The following REDIC1 variants were observed in gnomAD, a reference collection of about 807,000 sequenced individuals.
REDIC1 encodes regulator of DNA class I crossover intermediates 1, also known as HEI10 Interacting Protein 1.
chr12:39,696,565 A>T, the REDIC1 span, among the ~76,000 whole-genome samples: 31 of 141,912 alleles, frequency 2.2e-4, no homozygotes, highest in African/African-American at 7.8e-4. Context: ...AAAAAAAAAA[A>T]AAAAAAAAAA....
the REDIC1 span, chr12:39,682,923 C>A: frequency 1.2e-6 from 2 of 1,613,106 alleles, no homozygotes; most frequent in South Asian, 2.2e-5. Flanking sequence ...CTTGTGTAGT[C>A]ACTAGTTCTG....
chr12:39,846,200 T>C, the REDIC1 span, among the ~76,000 whole-genome samples: 1 of 152,144 alleles, frequency 6.6e-6, no homozygotes, highest in Non-Finnish European at 1.5e-5. Flanking sequence ...AAAACCAAGG[T>C]GGTGAATACT....
the REDIC1 span, among the ~76,000 whole-genome samples, chr12:39,854,497 C>T: frequency 6.6e-6 from 1 of 152,134 alleles, no homozygotes; most frequent in African/African-American, 2.4e-5. Flanking sequence ...TCATACTTTG[C>T]CTTTAACATT....
chr12:39,805,799 A>G, the REDIC1 span, among the ~76,000 whole-genome samples: 1 of 152,198 alleles, frequency 6.6e-6, no homozygotes, highest in African/African-American at 2.4e-5. Context: ...GAGGTTTTAA[A>G]TAAATAATCT....
chr12:39,709,868 T>C, the REDIC1 span, among the ~76,000 whole-genome samples: 1 of 151,982 alleles, frequency 6.6e-6, no homozygotes, highest in Admixed American at 6.6e-5. Flanking sequence ...TATATGGTAG[T>C]TCTATTTTTA....
the REDIC1 span, among the ~76,000 whole-genome samples, chr12:39,680,160 C>G: frequency 6.6e-6 from 1 of 152,114 alleles, no homozygotes; most frequent in Admixed American, 6.5e-5. Context: ...AAAATCTGCA[C>G]AGCAAAAGAA....
chr12:39,796,138 C>A, the REDIC1 span, among the ~76,000 whole-genome samples: 3 of 152,148 alleles, frequency 2.0e-5, no homozygotes, highest in Admixed American at 6.5e-5. Flanking sequence ...CAGTATATCA[C>A]CTTTTGTAAC....
the REDIC1 span, among the ~76,000 whole-genome samples, chr12:39,737,294 C>T: frequency 2.6e-5 from 4 of 152,152 alleles, no homozygotes; most frequent in Non-Finnish European, 2.9e-5. Flanking sequence ...GCTTTGTTTA[C>T]GTTAGCTATG....
At chr12:39,649,230 G>T in the REDIC1 span, among the ~76,000 whole-genome samples, 2 of 151,930 alleles carry the variant, frequency 1.3e-5, no homozygotes, top group East Asian at 3.9e-4. Context: ...CAATCATAGT[G>T]TCACATCATG....
chr12:39,831,270 G>A, the REDIC1 span, among the ~76,000 whole-genome samples: 6 of 152,224 alleles, frequency 3.9e-5, no homozygotes, highest in African/African-American at 4.8e-5. Flanking sequence ...GCTGGGAACC[G>A]TTTTAAATGT....
At chr12:39,630,771 A>C in the REDIC1 span, among the ~76,000 whole-genome samples, 16 of 152,316 alleles carry the variant, frequency 1.1e-4, no homozygotes, top group African/African-American at 3.8e-4. Flanking sequence ...GTTGGAGATA[A>C]TGTCTGCATA....
At chr12:39,884,714 A>G in the REDIC1 span, among the ~76,000 whole-genome samples, 1 of 152,170 alleles carries the variant, frequency 6.6e-6, no homozygotes, top group East Asian at 1.9e-4. Flanking sequence ...AGTAAAGGTA[A>G]AGAGCTGCTG....
chr12:39,841,616 C>T, the REDIC1 span, among the ~76,000 whole-genome samples: 3 of 152,012 alleles, frequency 2.0e-5, no homozygotes, highest in South Asian at 2.1e-4. Flanking sequence ...TATATACATA[C>T]ATGTATAAAT....
the REDIC1 span, among the ~76,000 whole-genome samples, chr12:39,675,182 C>T: frequency 2.4e-4 from 36 of 152,260 alleles, no homozygotes; most frequent in African/African-American, 8.4e-4. Flanking sequence ...CTGTATGATG[C>T]AGCAGAGGTA....
the REDIC1 span, among the ~76,000 whole-genome samples, chr12:39,901,609 C>T: frequency 1.6e-5 from 2 of 124,308 alleles, no homozygotes; most frequent in Non-Finnish European, 3.4e-5. Context: ...CATCACTGGC[C>T]ATCAGAGAAA....
At chr12:39,665,001 A>T in the REDIC1 span, among the ~76,000 whole-genome samples, 2 of 151,870 alleles carry the variant, frequency 1.3e-5, no homozygotes, top group Non-Finnish European at 2.9e-5. Flanking sequence ...GATTGCAAAA[A>T]TTTTCTCCCA....
chr12:39,753,534 G>A, the REDIC1 span, among the ~76,000 whole-genome samples: 2 of 152,154 alleles, frequency 1.3e-5, no homozygotes, highest in East Asian at 3.9e-4. Flanking sequence ...AAAGGAAGAA[G>A]GACATCAGGC....
the REDIC1 span, among the ~76,000 whole-genome samples, chr12:39,643,431 T>C: frequency 1.3e-5 from 2 of 151,684 alleles, no homozygotes; most frequent in African/African-American, 4.8e-5. Flanking sequence ...TAGCATACTT[T>C]GTAGAAAAAC....
chr12:39,704,070 A>T, the REDIC1 span, among the ~76,000 whole-genome samples: 1 of 152,216 alleles, frequency 6.6e-6, no homozygotes, highest in African/African-American at 2.4e-5. Context: ...AAAATTGACA[A>T]ATGCGATCTA....
Sources: gnomAD v4.1 joint callset for allele counts (sites outside exome capture counted in the v4.1 genomes callset) on GRCh38, gnomAD v4.1.1 for gene constraint, MANE v1.5 for transcripts, NCBI Gene and HGNC (gene_info 2026-07-23, HGNC 2026-07-21) for gene names.